PCDHGB3: variants seen among roughly 807,000 people sequenced by gnomAD.
PCDHGB3 encodes protocadherin gamma subfamily B, 3.
PCDHGB3 carries 40 observed loss-of-function variants against 59.2 expected under a neutral mutation model. The ratio of observed to expected loss-of-function variants is 0.68; its 90% CI spans 0.52 to 0.88. The LOEUF (loss-of-function observed/expected upper bound fraction) is 0.88. PCDHGB3 is among the 40% of genes least tolerant of loss of function. The probability of loss-of-function intolerance (pLI) is 0.00; values close to 1 mark genes in which losing one functional copy is unlikely to be tolerated. For missense variants in PCDHGB3, 1,309 were observed against 1,187.9 expected (o/e 1.10, Z -1.50); for synonymous variants, 581 against 503.6 (o/e 1.15, Z -2.06).
At chr5:141,444,152 A>ATTTTTTTTTTTT (rs747671382) in intron 1 of PCDHGB3, among the ~76,000 whole-genome samples, 4 of 33,898 alleles carry the variant, frequency 1.2e-4, no homozygotes, top group Admixed American at 3.9e-4. Flanking sequence ...TGTGTACTGG[A>ATTTTTTTTTTTT]TTTTTTTTTT....
At chr5:141,433,607 G>T (rs1209706866) in intron 1 of PCDHGB3, among the ~76,000 whole-genome samples, 1 of 152,080 alleles carries the variant, frequency 6.6e-6, no homozygotes. Flanking sequence ...AGGCCGAGGC[G>T]GGTGGATCAC....
chr5:141,455,401 A>G (rs1252870027), intron 1 of PCDHGB3, among the ~76,000 whole-genome samples: 1 of 152,158 alleles, frequency 6.6e-6, no homozygotes, highest in Non-Finnish European at 1.5e-5. Context: ...TCCCCCTTAC[A>G]GAGACAGAGG....
chr5:141,510,959 G>A lies in PCDHGB3; in HGVS notation c.2576G>A (p.Gly859Glu). 6.2e-7 allele frequency: 1 copy of A among 1,614,110 alleles called. No individual in the cohort carries two copies. Among genetic ancestry groups the A allele is most frequent in the Non-Finnish European group, 8.5e-7 (1 of 1,180,012 alleles). Residue 859 changes from glycine to glutamate, a missense_variant, in exon 4 of 4, where the codon GGG becomes GAG. Coordinates refer to ENST00000576222, the MANE Select transcript of PCDHGB3 (RefSeq NM_018924.5). ...TCTGTCTCTGCAGAAGCTGCTGATG[G>A]GAGCTCCACCCTGGGAGGGGGTGCC... ...ILASASEAADGSSTLGGGAGT... is the reference protein window; with the variant it reads ...ILASASEAADESSTLGGGAGT...
At position 141,371,781 on chromosome 5, in the gene PCDHGB3, G is replaced by A. The variant is rs1443074185; in HGVS notation, c.1387G>A (p.Glu463Lys). 6.2e-7 allele frequency: 1 copy of A among 1,613,878 alleles called. No homozygotes were observed. The highest frequency in any genetic ancestry group is 8.5e-7 in the Non-Finnish European group (1 of 1,179,918). The stretch of plus-strand genomic sequence containing the variant: ...GGCCTCCTACACCGTGCATGTAGCT[G>A]AGAACAATCCGCCTGGAGCCTCCAT... ...HQASYTVHVAENNPPGASIAH... is the reference protein window; with the variant it reads ...HQASYTVHVAKNNPPGASIAH... The change falls in exon 1 of 4, where the codon GAG (glutamate) becomes AAG (lysine). Residue 463 changes from glutamate (E) to lysine (K), a missense_variant. Transcript: ENST00000576222.
At chr5:141,404,524 G>GTTT in intron 1 of PCDHGB3, 7 of 1,613,938 alleles carry the variant, frequency 4.3e-6, no homozygotes, top group Non-Finnish European at 5.9e-6. Context: ...ACTATGAGCA[G>GTTT]TTTAGAGATT....
At chr5:141,467,185 TG>T (rs1295935271) in intron 1 of PCDHGB3, among the ~76,000 whole-genome samples, 1 of 152,004 alleles carries the variant, frequency 6.6e-6, no homozygotes, top group African/African-American at 2.4e-5. Context: ...CCCAAGTAGC[TG>T]GGATTACAGG....
chr5:141,402,807 T>G, intron 1 of PCDHGB3: 2 of 1,165,464 alleles, frequency 1.7e-6, no homozygotes, highest in Non-Finnish European at 2.3e-6. Flanking sequence ...ACCCGGCAGA[T>G]ACCACAAACC....
At chr5:141,420,250 A>G (rs757203976) in intron 1 of PCDHGB3, 2 of 1,578,784 alleles carry the variant, frequency 1.3e-6, no homozygotes, top group South Asian at 1.2e-5. Context: ...CCAGCGTTGA[A>G]GCAGATAAGA....
intron 1 of PCDHGB3, chr5:141,384,037 G>T (rs759701397): frequency 6.2e-7 from 1 of 1,613,004 alleles, no homozygotes; most frequent in Admixed American, 1.7e-5. Context: ...TGGAAAGAAT[G>T]GTGAGGTGAC....
chr5:141,473,626 G>A lies in PCDHGB3; in HGVS notation c.2416-21181G>A, dbSNP rs149882847. ...GCAAAGCAAAGGGAGGGAGGAAAAA[G>A]CAGCTTTCCTGGCAAAGGAACAATT... On this transcript the variant is annotated intron_variant, in intron 1 of 3. Transcript: ENST00000576222. Among the ~76,000 whole-genome samples, 1,234 of 152,276 alleles carry A rather than the reference G, an allele frequency of 8.1e-3. 14 individuals are homozygous for A. Among genetic ancestry groups the A allele is most frequent in the Non-Finnish European group, 0.011 (715 of 68,020 alleles).
At chr5:141,382,129 C>T (rs1174612163) in intron 1 of PCDHGB3, among the ~76,000 whole-genome samples, 2 of 152,012 alleles carry the variant, frequency 1.3e-5, no homozygotes, top group African/African-American at 2.4e-5. Flanking sequence ...CACCTGGCCC[C>T]CCCTCTCATT....
intron 1 of PCDHGB3, among the ~76,000 whole-genome samples, chr5:141,472,409 C>T (rs2099279484): frequency 6.6e-6 from 1 of 152,016 alleles, no homozygotes; most frequent in South Asian, 2.1e-4. Flanking sequence ...GGCGTGGTGG[C>T]ACGCACCTGT....
rs142995927 is a variant in PCDHGB3, at chr5:141,489,933, C to T, written c.2416-4874C>T. 38 of 1,614,064 alleles carry T rather than the reference C, an allele frequency of 2.4e-5. No homozygotes were observed. The highest frequency in any genetic ancestry group is 1.8e-4 in the South Asian group (16 of 91,084). On this transcript the variant is annotated intron_variant, in intron 1 of 3. Transcript: ENST00000576222. This position sits in a 1 kb window ranked among gnomAD's most constrained non-coding sequence, Gnocchi z 4.5. ...CAGGGACCACCCTTATCTCTGTCAT[C>T]GTGCTGGACATCAATGATAATGCTC...
At chr5:141,478,496 C>G in intron 1 of PCDHGB3, 1 of 1,613,014 alleles carries the variant, frequency 6.2e-7, no homozygotes, top group Non-Finnish European at 8.5e-7. Flanking sequence ...GAGCTGTGAT[C>G]CGGTGTTCTA....
At chr5:141,475,329 A>G (rs1229101617) in intron 1 of PCDHGB3, among the ~76,000 whole-genome samples, 1 of 152,266 alleles carries the variant, frequency 6.6e-6, no homozygotes, top group Non-Finnish European at 1.5e-5. Context: ...AATGAGAGCT[A>G]ACAATGACAT....
intron 1 of PCDHGB3, among the ~76,000 whole-genome samples, chr5:141,450,379 A>C (rs1269979263): frequency 6.6e-6 from 1 of 152,144 alleles, no homozygotes; most frequent in Non-Finnish European, 1.5e-5. Flanking sequence ...GTTTATATGA[A>C]ACTGACATTT....
intron 2 of PCDHGB3, among the ~76,000 whole-genome samples, chr5:141,497,879 G>A (rs62379207): frequency 4.6e-4 from 70 of 152,244 alleles, no homozygotes; most frequent in Non-Finnish European, 8.2e-4. Flanking sequence ...TGAAATAAGC[G>A]TTAGGATCTA....
At chr5:141,445,169 T>C (rs2098458681) in intron 1 of PCDHGB3, among the ~76,000 whole-genome samples, 3 of 152,320 alleles carry the variant, frequency 2.0e-5, no homozygotes, top group Non-Finnish European at 1.5e-5. Flanking sequence ...TACAGAAAAA[T>C]GAAAAACTAT....
rs374229757 is a variant in PCDHGB3, at chr5:141,491,437, C to T, written c.2416-3370C>T. 4 of 1,613,978 alleles carry T rather than the reference C, an allele frequency of 2.5e-6. No homozygotes were observed. Among genetic ancestry groups the T allele is most frequent in the Admixed American group, 3.3e-5 (2 of 60,004 alleles). ...CGGGGGTGGAGGGCAGTGCTGCAGG[C>T]GCCAGGACTCACCCTCCCCGGACTT... On this transcript the variant is annotated intron_variant, in intron 1 of 3. Coordinates refer to ENST00000576222, the MANE Select transcript of PCDHGB3 (RefSeq NM_018924.5). This position sits in a 1 kb window ranked among gnomAD's most constrained non-coding sequence, Gnocchi z 6.9.
Sources: gnomAD v4.1 joint callset for allele counts (sites outside exome capture counted in the v4.1 genomes callset) on GRCh38, gnomAD v4.1.1 for gene constraint, Gnocchi (gnomAD v3.1) non-coding constraint, MANE v1.5 for transcripts, NCBI Gene and HGNC (gene_info 2026-07-23, HGNC 2026-07-21) for gene names.